The following BRD9 variants were observed in gnomAD, a reference collection of about 807,000 sequenced individuals.
BRD9 encodes bromodomain containing 9.
BRD9 carries 47 observed loss-of-function variants against 68.7 expected under a neutral mutation model. The observed-to-expected ratio is 0.68, with a 90% confidence interval of 0.54 to 0.87. BRD9 has a LOEUF of 0.87. Among genes scored for constraint, BRD9 ranks in the 40% least tolerant of loss-of-function variants. The pLI, the probability that BRD9 is intolerant of heterozygous loss-of-function variation, is 0.00. For synonymous variants in BRD9, 313 were observed against 293.9 expected, an observed-to-expected ratio of 1.06 and a Z score of -0.67; for missense variants, 670 against 748.4, an observed-to-expected ratio of 0.90 and a Z score of 1.22.
intron 11 of BRD9, among the ~76,000 whole-genome samples, chr5:876,710 C>T (rs1750992414): frequency 6.6e-6 from 1 of 152,114 alleles, no homozygotes. Flanking sequence ...AAAAAGTAGG[C>T]CAGGAACAAA....
chr5:890,890 G>A (rs1006113480), intron 3 of BRD9, among the ~76,000 whole-genome samples: 14 of 152,142 alleles, frequency 9.2e-5, no homozygotes, highest in African/African-American at 3.4e-4. Flanking sequence ...TTTTATGAAC[G>A]CTTAAAAAAC....
chr5:865,473 C>T lies in BRD9; in HGVS notation c.1634G>A (p.Arg545Gln), dbSNP rs376958215. Residue 545 changes from arginine (R) to glutamine (Q), a missense_variant, in exon 15 of 16, where the codon CGG becomes CAG. Transcript: ENST00000467963. ...HEAQAERGGS[R>Q]PSSNLSSLSN... ...CAGGGAGCTGAGGTTGGACGACGGC[C>T]GAGAGCCGCCGCGCTCCGCCTGTGC... The T allele has an allele frequency of 8.9e-5, 142 of 1,599,360 alleles. 1 individual carries two copies. The highest frequency in any genetic ancestry group is 6.9e-4 in the Admixed American group (41 of 59,776).
rs1377067633 is a variant in BRD9 at position 891,791 on chromosome 5, A to C, written c.116T>G (p.Val39Gly). 1 of 1,551,514 alleles carries C rather than the reference A, an allele frequency of 6.4e-7. No homozygotes were observed. The highest frequency in any genetic ancestry group is 8.7e-7 in the Non-Finnish European group (1 of 1,146,972). Residue 39 changes from valine (V) to glycine (G), a missense_variant, in exon 2 of 16, where the codon GTG becomes GGG. This residue lies in a region of BRD9 where 161 missense variants were observed against 148.1 expected (regional missense o/e 1.09). Transcript: ENST00000467963. ...KLVLKVGGSE[V>G]TELSGSGHDS... ...GTGGCCGGATCCTGAGAGTTCAGTC[A>C]CTTCACTTCCTCCGACCTTCAGGAC...
At chr5:882,924 C>G (rs1183872347) in intron 8 of BRD9, 1 of 269,978 alleles carries the variant, frequency 3.7e-6, no homozygotes, top group Non-Finnish European at 7.2e-6. Context: ...ACCACAGCAA[C>G]TTCCCAACAT....
At chr5:886,541 G>A (rs1027782403) in intron 7 of BRD9, 51 bp downstream of exon 7, 6 of 1,526,764 alleles carry the variant, frequency 3.9e-6, no homozygotes, top group Admixed American at 1.8e-5. Context: ...CTGCTTTCCT[G>A]GCTATGGTGC....
At chr5:881,511 C>A in intron 8 of BRD9, 1 of 401,164 alleles carries the variant, frequency 2.5e-6, no homozygotes, top group South Asian at 2.5e-5. Context: ...ATGGCACTGC[C>A]CTGACGGCAG....
intron 8 of BRD9, chr5:882,863 C>T (rs1751986049): frequency 9.5e-6 from 2 of 210,946 alleles, no homozygotes; most frequent in Non-Finnish European, 1.9e-5. Context: ...CTGCAACCTC[C>T]CAACACACAA....
At chr5:882,504 C>G (rs948974345) in intron 8 of BRD9, 1 of 164,872 alleles carries the variant, frequency 6.1e-6, no homozygotes, top group Non-Finnish European at 1.3e-5. Flanking sequence ...GTGAGCCACA[C>G]AGACCACAAC....
chr5:877,294 G>A (rs1025222465), intron 11 of BRD9, among the ~76,000 whole-genome samples: 12 of 152,214 alleles, frequency 7.9e-5, no homozygotes, highest in African/African-American at 2.7e-4. Flanking sequence ...GAGGGCTGGC[G>A]GGAGGGTGGG....
chr5:868,309 AAC>A (rs1291842189), intron 14 of BRD9, among the ~76,000 whole-genome samples: 3 of 152,208 alleles, frequency 2.0e-5, no homozygotes, highest in Non-Finnish European at 4.4e-5. Context: ...GGTTCTTTAT[AAC>A]AGTGTGAGGA....
chr5:875,184 C>T (rs1230801547), intron 12 of BRD9, among the ~76,000 whole-genome samples: 3 of 152,210 alleles, frequency 2.0e-5, no homozygotes, highest in Admixed American at 6.5e-5. Flanking sequence ...GTGAGCCACA[C>T]GCTGCCCGAA....
intron 10 of BRD9, 190 bp from the exon 11 acceptor site, chr5:878,677 C>T: frequency 1.4e-6 from 1 of 718,356 alleles, no homozygotes; most frequent in Non-Finnish European, 2.3e-6. Context: ...TAATTCACCA[C>T]CCCTCATTTT....
Position 864,281 on chromosome 5 carries a change from ACTC to A in BRD9, c.*184_*186del. ...CCATATGGCCTTCGCGTATGACTCC[ACTC>A]CTCAGGGTTCGTGGGGCTTGGAGAC... On this transcript the variant is annotated 3_prime_UTR_variant, in exon 16 of 16. Coordinates refer to ENST00000467963, the MANE Select transcript of BRD9 (RefSeq NM_023924.5). 2.0e-6 allele frequency: 1 copy of A among 497,594 alleles called. No homozygotes were observed. Among genetic ancestry groups the A allele is most frequent in the Non-Finnish European group, 3.6e-6 (1 of 274,838 alleles). The allele number at this position is 497,594 out of a possible 1,614,324, so 30.8% of individuals were successfully genotyped here. A position where few individuals can be genotyped will look rare whatever the true frequency, so the allele number is the denominator to read the frequency against.
chr5:871,486 GAAT>G lies in BRD9; in HGVS notation c.1422+37_1422+39del, dbSNP rs1407415072. On this transcript the variant is annotated intron_variant, in intron 13 of 15. Coordinates refer to ENST00000467963, the MANE Select transcript of BRD9 (RefSeq NM_023924.5). ...AGGCTGGATACAACTTTCCCTGTGA[GAAT>G]AATATTTGGCTTGCCCTTCCATGTT... is the stretch of plus-strand genomic sequence containing the variant. The G allele has an allele frequency of 1.4e-5, 23 of 1,596,504 alleles. No homozygotes were observed. The East Asian group carries it at 3.6e-4, about 25-fold the overall frequency.
intron 14 of BRD9, among the ~76,000 whole-genome samples, chr5:868,283 A>G (rs571167424): frequency 6.6e-6 from 1 of 152,330 alleles, no homozygotes; most frequent in Admixed American, 6.5e-5. Flanking sequence ...TCCTTCACCA[A>G]TGACCAGTCT....
At chr5:874,716 A>G (rs754375797) in intron 12 of BRD9, among the ~76,000 whole-genome samples, 2 of 152,272 alleles carry the variant, frequency 1.3e-5, no homozygotes, top group Non-Finnish European at 2.9e-5. Flanking sequence ...ACACAAAAGC[A>G]GCAAATGGAG....
At chr5:873,236 C>T (rs1750413032) in intron 12 of BRD9, among the ~76,000 whole-genome samples, 2 of 152,056 alleles carry the variant, frequency 1.3e-5, no homozygotes, top group Non-Finnish European at 2.9e-5. Context: ...CTTTCAGAAA[C>T]CTGGACCCTC....
chr5:882,005 AAC>A (rs1322241921), intron 8 of BRD9: 1 of 152,580 alleles, frequency 6.6e-6, no homozygotes, highest in African/African-American at 2.4e-5. Context: ...AACCCATGTA[AAC>A]ACAGGTGCCA....
intron 7 of BRD9, among the ~76,000 whole-genome samples, chr5:884,381 T>C (rs1166942209): frequency 6.6e-6 from 1 of 152,070 alleles, no homozygotes. Context: ...CCCACACTGG[T>C]TAGTTATTAA....
Sources: gnomAD v4.1 joint callset for allele counts (sites outside exome capture counted in the v4.1 genomes callset) on GRCh38, gnomAD v4.1.1 for gene constraint, gnomAD v4.1.1 regional missense constraint, MANE v1.5 for transcripts, NCBI Gene and HGNC (gene_info 2026-07-23, HGNC 2026-07-21) for gene names.